Variants in WDR17 observed in about 807,000 individuals in gnomAD.
WDR17 encodes WD repeat domain 17, also known as WD repeat-containing protein 17.
WDR17 carries 143 observed loss-of-function variants against 161.7 expected under a neutral mutation model. That is an observed-to-expected ratio of 0.88 (90% CI 0.77 to 1.02). WDR17 has a LOEUF of 1.02. WDR17 is among the 50% of genes least tolerant of loss of function. The pLI is 0.00. For missense variants in WDR17, 1,469 were observed against 1,520.9 expected (o/e 0.97, Z 0.57); for synonymous variants, 517 against 515.6 (o/e 1.00, Z -0.04).
chr4:176,108,411 T>A (rs968398546), intron 1 of WDR17, among the ~76,000 whole-genome samples: 1 of 152,020 alleles, frequency 6.6e-6, no homozygotes, highest in Non-Finnish European at 1.5e-5. Flanking sequence ...TTGCCAGGAA[T>A]TGGGGAGGGG....
intron 3 of WDR17, among the ~76,000 whole-genome samples, chr4:176,116,990 T>A (rs1740748609): frequency 6.6e-6 from 1 of 151,932 alleles, no homozygotes; most frequent in South Asian, 2.1e-4. Context: ...TATATGGATC[T>A]CATTCCCAAG....
intron 28 of WDR17, 96 bp from the exon 29 acceptor site, chr4:176,179,363 TG>T (rs1282050848): frequency 7.3e-6 from 9 of 1,231,438 alleles, no homozygotes; most frequent in African/African-American, 6.4e-5. Flanking sequence ...CTAAATATTA[TG>T]TTTTTTTTTA....
intron 14 of WDR17, 40 bp from the exon 15 acceptor site, chr4:176,150,003 A>T: frequency 6.2e-7 from 1 of 1,610,640 alleles, no homozygotes; most frequent in Non-Finnish European, 8.5e-7. Flanking sequence ...AATAAGTTTT[A>T]TGAGAAATCT....
At chr4:176,115,514 A>C (rs911548570) in intron 2 of WDR17, among the ~76,000 whole-genome samples, 1 of 151,908 alleles carries the variant, frequency 6.6e-6, no homozygotes, top group South Asian at 2.1e-4. Context: ...AATATAATAA[A>C]GCTCTAAATT....
rs751951731 is a variant in WDR17, at chr4:176,151,787, A to C, written c.2305-25A>C. 7 of 1,540,656 alleles carry C rather than the reference A, an allele frequency of 4.5e-6. No individual in the cohort carries two copies. In the South Asian group the frequency reaches 8.8e-5, roughly 19 times the overall value. The stretch of plus-strand genomic sequence containing the variant: ...AAACAAAATATGTCAAATTTTTTTA[A>C]ATTCTATTTTCTTTTTAAAACCAGT... On this transcript the variant is annotated intron_variant, in intron 16 of 28. Transcript: ENST00000508596.
At chr4:176,169,031 A>G (rs1448226933) in intron 23 of WDR17, among the ~76,000 whole-genome samples, 1 of 152,192 alleles carries the variant, frequency 6.6e-6, no homozygotes, top group Admixed American at 6.5e-5. Context: ...AGCATGGGAT[A>G]ATTATACAAA....
chr4:176,134,984 T>C (rs762932056), intron 7 of WDR17, 124 bp from the exon 8 acceptor site: 28 of 897,710 alleles, frequency 3.1e-5, no homozygotes, highest in Non-Finnish European at 4.8e-5. Flanking sequence ...TTCTTGCCTA[T>C]ATATTTTTGC....
At chr4:176,075,362 T>G (rs1367025914) in intron 1 of WDR17, among the ~76,000 whole-genome samples, 3 of 152,098 alleles carry the variant, frequency 2.0e-5, no homozygotes, top group Non-Finnish European at 4.4e-5. Context: ...TTACCATATC[T>G]TTGTTTTCTT....
At chr4:176,163,028 CA>C (rs1341140368) in intron 21 of WDR17, 125 bp from the exon 22 acceptor site, 1 of 1,193,516 alleles carries the variant, frequency 8.4e-7, no homozygotes, top group Non-Finnish European at 1.2e-6. Flanking sequence ...ATATTACAGT[CA>C]ATATTTTATA....
intron 2 of WDR17, among the ~76,000 whole-genome samples, chr4:176,112,095 C>T (rs374286175): frequency 2.0e-5 from 3 of 152,178 alleles, no homozygotes; most frequent in South Asian, 2.1e-4. Context: ...AGCCAAAAAC[C>T]GCCTGAATTT....
At chr4:176,069,189 A>G (rs1732907138) in intron 1 of WDR17, among the ~76,000 whole-genome samples, 1 of 152,006 alleles carries the variant, frequency 6.6e-6, no homozygotes, top group Non-Finnish European at 1.5e-5. Flanking sequence ...AGAACTTGAT[A>G]TTGGAGCCAC....
chr4:176,167,644 C>CAAAAAAAAAA (rs34187946), intron 22 of WDR17, among the ~76,000 whole-genome samples: 53 of 23,810 alleles, frequency 2.2e-3, no homozygotes, highest in East Asian at 0.013. Flanking sequence ...GACTCCGTCT[C>CAAAAAAAAAA]AAAAAAAAAA....
chr4:176,174,787 G>A, intron 26 of WDR17, 69 bp downstream of exon 26: 2 of 938,062 alleles, frequency 2.1e-6, no homozygotes. Context: ...TAGTCTCTAA[G>A]TGGATTATAC....
At chr4:176,076,499 T>A (rs1734056848) in intron 1 of WDR17, among the ~76,000 whole-genome samples, 1 of 150,540 alleles carries the variant, frequency 6.6e-6, no homozygotes, top group East Asian at 2.0e-4. Context: ...ATATTCTTAA[T>A]ATTTTAGTTT....
intron 20 of WDR17, 72 bp from the exon 21 acceptor site, chr4:176,162,003 T>G: frequency 7.8e-7 from 1 of 1,279,882 alleles, no homozygotes; most frequent in Non-Finnish European, 1.1e-6. Flanking sequence ...ATCATACCTT[T>G]TAAAAAGTAT....
intron 18 of WDR17, among the ~76,000 whole-genome samples, chr4:176,156,999 T>G (rs1046002475): frequency 2.6e-5 from 4 of 152,162 alleles, no homozygotes; most frequent in African/African-American, 9.7e-5. Context: ...CCTAATCCAG[T>G]ATGACCGCAT....
rs759699853 is a variant in WDR17, at chr4:176,150,112, T to C, written c.2117T>C (p.Ile706Thr). The change falls in exon 15 of 29, where the codon ATA (isoleucine) becomes ACA (threonine). Residue 706 changes from isoleucine (I) to threonine (T), a missense_variant. Coordinates refer to ENST00000508596, the MANE Select transcript of WDR17 (RefSeq NM_181265.4). ...GKVSRDIRQE[I>T]EKLTANSQVK... Reference sequence around the variant, plus strand: ...GTGTCAAGAGATATTAGACAGGAAATAGAAAAACTAACTGCTAATTCTCAA... The same window carrying C: ...GTGTCAAGAGATATTAGACAGGAAACAGAAAAACTAACTGCTAATTCTCAA... The C allele has an allele frequency of 1.2e-6, 2 of 1,613,978 alleles. No individual in the cohort carries two copies. The highest frequency in any genetic ancestry group is 1.1e-5 in the South Asian group (1 of 91,072).
At chr4:176,175,614 G>A (rs1751328051) in intron 26 of WDR17, among the ~76,000 whole-genome samples, 1 of 152,146 alleles carries the variant, frequency 6.6e-6, no homozygotes, top group African/African-American at 2.4e-5. Flanking sequence ...CTGGAGTGCA[G>A]TGGCACAATC....
At chr4:176,164,474 G>C (rs1242403025) in intron 22 of WDR17, among the ~76,000 whole-genome samples, 1 of 152,178 alleles carries the variant, frequency 6.6e-6, no homozygotes, top group Non-Finnish European at 1.5e-5. Flanking sequence ...CCTTCAGGCT[G>C]TGTGGATAAG....
Sources: gnomAD v4.1 joint callset for allele counts (sites outside exome capture counted in the v4.1 genomes callset) on GRCh38, gnomAD v4.1.1 for gene constraint, MANE v1.5 for transcripts, NCBI Gene and HGNC (gene_info 2026-07-23, HGNC 2026-07-21) for gene names.